The following DMD variants were observed in gnomAD, a reference collection of about 807,000 sequenced individuals.
The protein encoded by DMD is mutant dystrophin.
Under a neutral mutation model 330.1 loss-of-function variants are expected in DMD, and 63 were observed. The ratio of observed to expected loss-of-function variants is 0.19; its 90% CI spans 0.16 to 0.24. The LOEUF is 0.24. DMD is among the 10% of genes least tolerant of loss of function. The pLI is 1.00. For synonymous variants in DMD, 1,223 were observed against 959.8 expected (o/e 1.27, Z -5.07); for missense variants, 3,344 against 2,684.1 (o/e 1.25, Z -5.43).
chrX:33,010,082 A>ATG lies in DMD; in HGVS notation c.93+10055_93+10056dup, dbSNP rs1569549220. 1.4e-4 allele frequency among the ~76,000 whole-genome samples: 4 copies of ATG among 27,703 alleles called. 1 individual carries two copies. The highest frequency in any genetic ancestry group is 8.4e-4 in the African/African-American group (3 of 3,579). The allele number at this position is 27,703 out of a possible 115,157, so 24.1% of individuals were successfully genotyped here. A position where few individuals can be genotyped will look rare whatever the true frequency, so the allele number is the denominator to read the frequency against. On this transcript the variant is annotated intron_variant, in intron 2 of 78. Coordinates refer to ENST00000357033, the MANE Select transcript of DMD (RefSeq NM_004006.3). Reference sequence around the variant, plus strand: ...CGTGTATATATACACAAATGTGCACATGTGTATATATACATGTATATGCAC... The same window carrying ATG: ...CGTGTATATATACACAAATGTGCACATGTGTGTATATATACATGTATATGCAC...
chrX:32,818,498 T>C (rs2077943485), intron 5 of DMD, among the ~76,000 whole-genome samples: 1 of 111,986 alleles, frequency 8.9e-6, no homozygotes. Context: ...CAGAAAACTG[T>C]CCCGTCCTCA....
intron 55 of DMD, among the ~76,000 whole-genome samples, chrX:31,581,724 CTT>C (rs933439833): frequency 3.6e-5 from 4 of 111,617 alleles, no homozygotes; most frequent in African/African-American, 9.8e-5. Context: ...GAAAAGATAA[CTT>C]ATTATTTAAG....
intron 53 of DMD, among the ~76,000 whole-genome samples, chrX:31,672,215 C>T (rs1239452931): frequency 2.7e-5 from 3 of 111,769 alleles, no homozygotes; most frequent in Non-Finnish European, 5.7e-5. Flanking sequence ...CCCAAATTTA[C>T]ATCTGTTACT....
At chrX:32,558,956 T>TCTTTTTTTTTTTTTC (rs1199650168) in intron 16 of DMD, among the ~76,000 whole-genome samples, 2 of 83,392 alleles carry the variant, frequency 2.4e-5, no homozygotes, top group African/African-American at 1.0e-4. Flanking sequence ...TTTTTTTTTT[T>TCTTTTTTTTTTTTTC]TTTTTTTTTT....
At chrX:31,928,323 A>C (rs972966321) in intron 47 of DMD, among the ~76,000 whole-genome samples, 2 of 111,710 alleles carry the variant, frequency 1.8e-5, no homozygotes, top group Non-Finnish European at 3.8e-5. Flanking sequence ...AAAATTTTGG[A>C]GGCTGGGCGC....
Position 32,417,186 on chromosome X carries a change from T to G in DMD, c.4072-5273A>C, listed in dbSNP as rs149565835. On this transcript the variant is annotated intron_variant, in intron 29 of 78. Coordinates refer to ENST00000357033, the MANE Select transcript of DMD (RefSeq NM_004006.3). ...TCTCTCTCATTCTAAGAGATGGAAA[T>G]AGCAGGGCATAGCAAAGGGCTTACA... Among the ~76,000 whole-genome samples the G allele has an allele frequency of 7.5e-3, 835 of 111,437 alleles. 8 individuals are homozygous for G. The highest frequency in any genetic ancestry group is 0.012 in the Non-Finnish European group (618 of 53,034).
At chrX:33,186,530 C>T (rs2050272167) in intron 1 of DMD, among the ~76,000 whole-genome samples, 1 of 110,452 alleles carries the variant, frequency 9.1e-6, no homozygotes, top group Admixed American at 9.7e-5. Context: ...GAAGTGGGAC[C>T]TGGATAATAT....
intron 2 of DMD, among the ~76,000 whole-genome samples, chrX:32,853,025 C>T (rs1569534389): frequency 8.9e-6 from 1 of 112,072 alleles, no homozygotes; most frequent in South Asian, 3.7e-4. Context: ...TAGTAACAGG[C>T]TTCTCAGCAG....
rs772713413 is a variant in DMD at position 31,389,765 on chromosome X, T to C, written c.9085-41131A>G. Among the ~76,000 whole-genome samples the C allele has an allele frequency of 4.4e-5, 5 of 112,363 alleles. No homozygotes were observed. The East Asian group carries it at 1.4e-3, about 31-fold the overall frequency. The stretch of plus-strand genomic sequence containing the variant: ...ACCATAGAAATGCATTTCTCCAATA[T>C]ACTTTAAGAATCCTTTGTTTTTCTA... On this transcript the variant is annotated intron_variant, in intron 60 of 78. Coordinates refer to ENST00000357033, the MANE Select transcript of DMD (RefSeq NM_004006.3).
intron 4 of DMD, among the ~76,000 whole-genome samples, chrX:32,832,149 A>G: frequency 9.0e-6 from 1 of 111,387 alleles, no homozygotes; most frequent in Non-Finnish European, 1.9e-5. Flanking sequence ...AAGCATTTTT[A>G]AAATTAGCTA....
intron 55 of DMD, among the ~76,000 whole-genome samples, chrX:31,620,062 T>G (rs1277414622): frequency 8.9e-6 from 1 of 111,832 alleles, no homozygotes; most frequent in Admixed American, 9.5e-5. Context: ...GGATTTTCTC[T>G]GAGATCTACA....
intron 29 of DMD, among the ~76,000 whole-genome samples, chrX:32,425,176 C>G (rs1324596923): frequency 9.0e-6 from 1 of 111,348 alleles, no homozygotes; most frequent in Non-Finnish European, 1.9e-5. Flanking sequence ...ATTCCAAATA[C>G]TTTTCACTCT....
rs1426691878 is a variant in DMD at position 31,559,417 on chromosome X, C to T, written c.8218-51964G>A. On this transcript the variant is annotated intron_variant, in intron 55 of 78. Coordinates refer to ENST00000357033, the MANE Select transcript of DMD (RefSeq NM_004006.3). Reference sequence around the variant, plus strand: ...CAGCACTTTGGGAGGCCGAGACGGGCGGATCACGAGGTCAGGAGATCGAGA... The same window carrying T: ...CAGCACTTTGGGAGGCCGAGACGGGTGGATCACGAGGTCAGGAGATCGAGA... 2.6e-5 allele frequency among the ~76,000 whole-genome samples: 2 copies of T among 75,655 alleles called. 1 individual carries two copies. The highest frequency in any genetic ancestry group is 4.7e-5 in the Non-Finnish European group (2 of 42,376). 65.7% of individuals were successfully genotyped at this position (75,655 alleles called of 115,157 possible). A position where few individuals can be genotyped will look rare whatever the true frequency, so the allele number is the denominator to read the frequency against.
At chrX:33,270,112 A>G (rs12396164) in intron 1 of DMD, among the ~76,000 whole-genome samples, 57,875 of 109,394 alleles carry the variant, frequency 0.53, 12,717 homozygotes, top group Middle Eastern at 0.7. Context: ...TTATGTTTTT[A>G]TCTTGATACT....
At chrX:33,006,468 G>A (rs978758095) in intron 2 of DMD, among the ~76,000 whole-genome samples, 28 of 111,848 alleles carry the variant, frequency 2.5e-4, no homozygotes, top group African/African-American at 8.1e-4. Context: ...TGACAAACGA[G>A]CAATGGCAAT....
chrX:32,183,952 A>G (rs2096936602), intron 44 of DMD, among the ~76,000 whole-genome samples: 1 of 110,723 alleles, frequency 9.0e-6, no homozygotes, highest in Non-Finnish European at 1.9e-5. Context: ...TTGCTTCTGT[A>G]TCCCCTAAAA....
intron 47 of DMD, among the ~76,000 whole-genome samples, chrX:31,925,398 T>A (rs2149961518): frequency 9.0e-6 from 1 of 110,835 alleles, no homozygotes; most frequent in African/African-American, 3.3e-5. Flanking sequence ...AATGGGTAGT[T>A]AAAAAAATAC....
chrX:31,892,257 C>T (rs980486406), intron 47 of DMD, among the ~76,000 whole-genome samples: 4 of 111,369 alleles, frequency 3.6e-5, no homozygotes, highest in Non-Finnish European at 7.5e-5. Context: ...AAAATGGAAA[C>T]GATATGTCAA....
At chrX:31,171,975 G>A (rs918260266) in intron 73 of DMD, among the ~76,000 whole-genome samples, 1 of 111,834 alleles carries the variant, frequency 8.9e-6, no homozygotes, top group Non-Finnish European at 1.9e-5. Flanking sequence ...CCCATGAGTG[G>A]AGAAAATAGT....
Sources: gnomAD v4.1 joint callset for allele counts (sites outside exome capture counted in the v4.1 genomes callset) on GRCh38, gnomAD v4.1.1 for gene constraint, MANE v1.5 for transcripts, NCBI Gene and HGNC (gene_info 2026-07-23, HGNC 2026-07-21) for gene names.